TRAPPC9: variants seen among roughly 807,000 people sequenced by gnomAD.
TRAPPC9 encodes trafficking protein particle complex subunit 9, also known as IKK2 binding protein.
In TRAPPC9, 83 loss-of-function variants were observed where a neutral mutation model predicts 124.0. The ratio of observed to expected loss-of-function variants is 0.67; its 90% CI spans 0.56 to 0.80. The LOEUF (loss-of-function observed/expected upper bound fraction) is 0.80, where lower values mean the gene tolerates loss of function less well. Among genes scored for constraint, TRAPPC9 ranks in the 30% least tolerant of loss-of-function variants. TRAPPC9 has a pLI of 0.00. For missense variants in TRAPPC9, 1,302 were observed against 1,508.3 expected, an observed-to-expected ratio of 0.86 and a Z score of 2.27; for synonymous variants, 638 against 617.5, an observed-to-expected ratio of 1.03 and a Z score of -0.49.
intron 11 of TRAPPC9, among the ~76,000 whole-genome samples, chr8:140,294,262 A>G (rs4736170): frequency 0.65 from 99,004 of 151,668 alleles, 32,791 homozygotes; most frequent in African/African-American, 0.78. Flanking sequence ...AATGGGAGGG[A>G]GCTCACCCGA....
chr8:139,751,828 T>A (rs1056061613), intron 21 of TRAPPC9, among the ~76,000 whole-genome samples: 2 of 151,028 alleles, frequency 1.3e-5, no homozygotes, highest in South Asian at 4.2e-4. Flanking sequence ...CCACCATTCA[T>A]TTATCATCCA....
intron 18 of TRAPPC9, among the ~76,000 whole-genome samples, chr8:140,004,054 C>G (rs1166277724): frequency 6.6e-6 from 1 of 152,082 alleles, no homozygotes; most frequent in Admixed American, 6.6e-5. Flanking sequence ...GTGACACAGA[C>G]AGATCACAGA....
intron 17 of TRAPPC9, among the ~76,000 whole-genome samples, chr8:140,200,865 C>G (rs2062771984): frequency 1.3e-5 from 2 of 152,116 alleles, no homozygotes; most frequent in Non-Finnish European, 2.9e-5. Context: ...GCAAATGTAC[C>G]CTAGTAATGT....
rs79840970 is a variant in TRAPPC9 at position 140,076,083 on chromosome 8, C to T, written c.2557-52004G>A. Among the ~76,000 whole-genome samples the T allele has an allele frequency of 1.5e-4, 23 of 152,324 alleles. No individual in the cohort carries two copies. The East Asian group carries it at 3.5e-3, about 23-fold the overall frequency. The stretch of plus-strand genomic sequence containing the variant: ...CCAGTCCTGAGAGGAGGTGCTATCA[C>T]GATCCCCATTTTACAGGTGGGGAGA... On this transcript the variant is annotated intron_variant, in intron 17 of 22. Coordinates refer to ENST00000438773, the MANE Select transcript of TRAPPC9 (RefSeq NM_001160372.4).
intron 18 of TRAPPC9, among the ~76,000 whole-genome samples, chr8:140,014,502 G>A (rs1483688506): frequency 6.6e-6 from 1 of 152,036 alleles, no homozygotes; most frequent in East Asian, 1.9e-4. Flanking sequence ...AGAAAAAACT[G>A]CCCCCTCTGT....
intron 9 of TRAPPC9, among the ~76,000 whole-genome samples, chr8:140,335,705 A>AT (rs10622473): frequency 0.038 from 4,998 of 131,634 alleles, 274 homozygotes; most frequent in African/African-American, 0.11. Flanking sequence ...AGTCTTCACA[A>AT]TTTTTTTTTT....
chr8:140,403,671 T>G (rs2069361349), intron 6 of TRAPPC9, among the ~76,000 whole-genome samples: 1 of 152,160 alleles, frequency 6.6e-6, no homozygotes, highest in East Asian at 1.9e-4. Flanking sequence ...CTTTTTTTTT[T>G]TTTTGAGACG....
chr8:140,371,967 T>A (rs2068295339), intron 7 of TRAPPC9, among the ~76,000 whole-genome samples: 1 of 152,230 alleles, frequency 6.6e-6, no homozygotes. Flanking sequence ...TCTCCCAAAG[T>A]GCTGGGATTA....
At chr8:139,971,752 C>CACACACACACACACACAT (rs1246452854) in intron 19 of TRAPPC9, among the ~76,000 whole-genome samples, 3 of 146,842 alleles carry the variant, frequency 2.0e-5, no homozygotes, top group Admixed American at 6.8e-5. Context: ...TATATATACA[C>CACACACACACACACACAT]ACACACACAC....
In TRAPPC9 at chr8:140,207,795, G is replaced by T. The variant is rs538395452; in HGVS notation, c.2556+13664C>A. On this transcript the variant is annotated intron_variant, in intron 17 of 22. Transcript: ENST00000438773. Reference sequence around the variant, plus strand: ...GGCAGCTTTATACATTTGCTAGACAGGTGTTTCTAGGCTTCCTCCAAATAA... The same window carrying T: ...GGCAGCTTTATACATTTGCTAGACATGTGTTTCTAGGCTTCCTCCAAATAA... Among the ~76,000 whole-genome samples, 4 of 152,284 alleles carry T rather than the reference G, an allele frequency of 2.6e-5. No homozygotes were observed. In the South Asian group the frequency reaches 8.3e-4, roughly 32 times the overall value.
At chr8:140,458,212 T>C, upstream of TRAPPC9, 6 of 1,549,900 alleles carry the variant, frequency 3.9e-6, no homozygotes, top group East Asian at 2.4e-5. Flanking sequence ...GAACAGAGAC[T>C]AGGAGGAAAG....
chr8:139,822,127 C>T (rs1229901967), intron 21 of TRAPPC9, among the ~76,000 whole-genome samples: 1 of 152,172 alleles, frequency 6.6e-6, no homozygotes, highest in Non-Finnish European at 1.5e-5. Flanking sequence ...CAATTAAAAA[C>T]CCATTACCTG....
At chr8:140,116,855 A>T (rs34303184) in intron 17 of TRAPPC9, among the ~76,000 whole-genome samples, 6 of 140,294 alleles carry the variant, frequency 4.3e-5, no homozygotes. Context: ...GGAGTTCAGT[A>T]AGTAGGCGGA....
intron 16 of TRAPPC9, among the ~76,000 whole-genome samples, chr8:140,228,869 AG>A (rs889512485): frequency 9.2e-5 from 14 of 152,212 alleles, no homozygotes; most frequent in Non-Finnish European, 8.8e-5. Context: ...CTTTGAGGGT[AG>A]GGGGGAAGAT....
chr8:140,281,952 G>T (rs887398559), intron 14 of TRAPPC9, among the ~76,000 whole-genome samples: 1 of 151,994 alleles, frequency 6.6e-6, no homozygotes, highest in African/African-American at 2.4e-5. Flanking sequence ...GGGACCTCCC[G>T]CATCACAGTC....
At chr8:140,194,707 T>C (rs374232001) in intron 17 of TRAPPC9, among the ~76,000 whole-genome samples, 5 of 152,300 alleles carry the variant, frequency 3.3e-5, no homozygotes, top group African/African-American at 1.2e-4. Context: ...GTATCAACTG[T>C]CTTTGAAGCT....
chr8:139,881,940 A>C (rs1271689531), intron 21 of TRAPPC9, among the ~76,000 whole-genome samples: 1 of 152,104 alleles, frequency 6.6e-6, no homozygotes, highest in Non-Finnish European at 1.5e-5. Flanking sequence ...CCTCCCTCTG[A>C]TGGTGGCCCC....
At chr8:139,934,879 C>T (rs1040137532) in intron 19 of TRAPPC9, among the ~76,000 whole-genome samples, 1 of 152,230 alleles carries the variant, frequency 6.6e-6, no homozygotes, top group Admixed American at 6.5e-5. Flanking sequence ...GGAGCCCCAG[C>T]ACTGCCAAGT....
intron 17 of TRAPPC9, among the ~76,000 whole-genome samples, chr8:140,112,163 G>A (rs138149124): frequency 0.011 from 1,649 of 151,844 alleles, 35 homozygotes; most frequent in African/African-American, 0.038. Flanking sequence ...AATTCCAGAC[G>A]ATGGTGCGAC....
Sources: gnomAD v4.1 joint callset for allele counts (sites outside exome capture counted in the v4.1 genomes callset) on GRCh38, gnomAD v4.1.1 for gene constraint, MANE v1.5 for transcripts, NCBI Gene and HGNC (gene_info 2026-07-23, HGNC 2026-07-21) for gene names.